The following BID variants were observed in gnomAD, a reference collection of about 807,000 sequenced individuals.
BID encodes the protein BH3 interacting domain death agonist.
In BID, 19 loss-of-function variants were observed where a neutral mutation model predicts 17.4. That is an observed-to-expected ratio of 1.09 (90% confidence interval 0.76 to 1.60). The LOEUF (loss-of-function observed/expected upper bound fraction) is 1.60. Among genes scored for constraint, BID ranks in the 40% most tolerant of loss-of-function variants. BID has a pLI of 0.00. For synonymous variants in BID, 108 were observed against 102.8 expected, an observed-to-expected ratio of 1.05 and a Z score of -0.31; for missense variants, 226 against 256.0, an observed-to-expected ratio of 0.88 and a Z score of 0.80.
Position 17,735,001 on chromosome 22 carries a change from A to C in BID, c.*579T>G, listed in dbSNP as rs1317380778. Reference sequence around the variant, plus strand: ...GGACTTCCCATCATTTGAGTGCAGCACTTTAGTTCAGAATCTCTGTGCCAT... The same window carrying C: ...GGACTTCCCATCATTTGAGTGCAGCCCTTTAGTTCAGAATCTCTGTGCCAT... On this transcript the variant is annotated 3_prime_UTR_variant, in exon 6 of 6. Coordinates refer to ENST00000622694, the MANE Select transcript of BID (RefSeq NM_001196.4). The C allele has an allele frequency of 6.6e-6, 1 of 152,454 alleles. No individual in the cohort carries two copies. Among genetic ancestry groups the C allele is most frequent in the East Asian group, 1.9e-4 (1 of 5,196 alleles). 9.4% of individuals were successfully genotyped at this position (152,454 alleles called of 1,614,324 possible). A position where few individuals can be genotyped will look rare whatever the true frequency, so the allele number is the denominator to read the frequency against.
chr22:17,761,075 G>T (rs1468096947), intron 1 of BID, among the ~76,000 whole-genome samples: 1 of 152,164 alleles, frequency 6.6e-6, no homozygotes, highest in East Asian at 1.9e-4. Context: ...TCCCGTGCAG[G>T]TCTTACAAGA....
chr22:17,745,440 C>T (rs576475077), intron 2 of BID, among the ~76,000 whole-genome samples: 30 of 152,150 alleles, frequency 2.0e-4, no homozygotes, highest in Middle Eastern at 6.8e-3. Context: ...GCAGGAGGAT[C>T]GTTTGAGCCC....
At chr22:17,757,374 G>A (rs2145905036) in intron 1 of BID, among the ~76,000 whole-genome samples, 2 of 124,312 alleles carry the variant, frequency 1.6e-5, no homozygotes, top group Middle Eastern at 6.5e-3. Flanking sequence ...CTGCACTCCA[G>A]CCTGGGCAAC....
At chr22:17,766,543 A>G (rs943178428) in intron 1 of BID, among the ~76,000 whole-genome samples, 5 of 151,418 alleles carry the variant, frequency 3.3e-5, no homozygotes, top group African/African-American at 1.2e-4. Flanking sequence ...GGCCTCCCAA[A>G]GTGCTGGGAT....
chr22:17,754,924 C>A (rs528388694), intron 1 of BID, among the ~76,000 whole-genome samples: 2 of 151,564 alleles, frequency 1.3e-5, no homozygotes, highest in Non-Finnish European at 2.9e-5. Context: ...GCCACCACAC[C>A]CGGCTAATTT....
At chr22:17,746,422 G>A (rs772847739) in intron 2 of BID, among the ~76,000 whole-genome samples, 19 of 152,210 alleles carry the variant, frequency 1.2e-4, no homozygotes, top group Admixed American at 5.9e-4. Context: ...AGGAAAAACT[G>A]TATGCAAAAT....
rs2061412206 is a variant in BID, at chr22:17,735,406, T to C, written c.*174A>G. The C allele has an allele frequency of 2.9e-6, 2 of 683,130 alleles. No homozygotes were observed. The highest frequency in any genetic ancestry group is 1.9e-5 in the South Asian group (1 of 52,708). The allele number at this position is 683,130 out of a possible 1,614,324, so 42.3% of individuals were successfully genotyped here. A position where few individuals can be genotyped will look rare whatever the true frequency, so the allele number is the denominator to read the frequency against. On this transcript the variant is annotated 3_prime_UTR_variant, in exon 6 of 6. Coordinates refer to ENST00000622694, the MANE Select transcript of BID (RefSeq NM_001196.4). ...TCATTCAAGTATATTAATGTAGATA[T>C]TTTAAAGTGGGTTATAAGTTTAACA... is the stretch of plus-strand genomic sequence containing the variant.
chr22:17,750,056 C>A lies in BID; in HGVS notation c.12+49G>T, dbSNP rs764595465. The A allele has an allele frequency of 2.2e-5, 35 of 1,579,566 alleles. No homozygotes were observed. The Admixed American group carries it at 2.8e-4, about 12-fold the overall frequency. On this transcript the variant is annotated intron_variant, in intron 2 of 5. Coordinates refer to ENST00000622694, the MANE Select transcript of BID (RefSeq NM_001196.4). ...GGTGGGGGACACGCAGGCCCTTACC[C>A]CTCGACCCCGCCCCCCACAAGGCAC... is the stretch of plus-strand genomic sequence containing the variant.
intron 3 of BID, chr22:17,740,271 T>C: frequency 8.9e-7 from 1 of 1,120,086 alleles, no homozygotes; most frequent in Non-Finnish European, 1.3e-6. Context: ...ACTCAGTAGG[T>C]GCTCAATAAA....
At chr22:17,756,811 C>T (rs961636509) in intron 1 of BID, among the ~76,000 whole-genome samples, 11 of 151,906 alleles carry the variant, frequency 7.2e-5, no homozygotes, top group African/African-American at 1.2e-4. Flanking sequence ...CCTGACCTTG[C>T]GATCCGCCCC....
intron 1 of BID, among the ~76,000 whole-genome samples, chr22:17,755,082 C>CTTTTTTTTTTTT (rs59654004): frequency 2.0e-5 from 2 of 99,254 alleles, no homozygotes; most frequent in African/African-American, 3.9e-5. Flanking sequence ...TTTTTCTTTT[C>CTTTTTTTTTTTT]TTTTTTTTTT....
In BID at chr22:17,773,799, T is replaced by C; in HGVS notation, c.-59+582A>G. On this transcript the variant is annotated intron_variant, in intron 1 of 5. Transcript: ENST00000622694. The surrounding 1 kb of genome is among the most constrained non-coding windows in gnomAD (Gnocchi z 4.4). The stretch of plus-strand genomic sequence containing the variant: ...GGGGTCATTCAGCCACTCAACAGTT[T>C]CCCAGCAGCAGCAGCGAGGATCCGC... 9.6e-7 allele frequency: 1 copy of C among 1,039,584 alleles called. No homozygotes were observed. Among genetic ancestry groups the C allele is most frequent in the African/African-American group, 1.6e-5 (1 of 62,808 alleles). 64.4% of individuals were successfully genotyped at this position (1,039,584 alleles called of 1,614,324 possible).
At chr22:17,748,377 G>A (rs1284775787) in intron 2 of BID, among the ~76,000 whole-genome samples, 14 of 150,502 alleles carry the variant, frequency 9.3e-5, no homozygotes, top group East Asian at 5.8e-4. Context: ...GCGTGGTGGC[G>A]GGCGCCTGTA....
chr22:17,755,831 G>A (rs2061578484), intron 1 of BID, among the ~76,000 whole-genome samples: 2 of 151,758 alleles, frequency 1.3e-5, no homozygotes, highest in South Asian at 4.2e-4. Context: ...GAAAAATAAA[G>A]GGTTTGGAGA....
intron 2 of BID, among the ~76,000 whole-genome samples, chr22:17,748,258 C>T (rs1179120893): frequency 6.9e-6 from 1 of 145,764 alleles, no homozygotes; most frequent in Non-Finnish European, 1.5e-5. Context: ...GCCTGTAATC[C>T]CAGCACTTTG....
intron 5 of BID, among the ~76,000 whole-genome samples, chr22:17,735,836 G>A (rs2061415484): frequency 6.6e-6 from 1 of 152,170 alleles, no homozygotes; most frequent in African/African-American, 2.4e-5. Flanking sequence ...GCCCCTGCTG[G>A]GTCAGAGGAA....
At chr22:17,755,487 G>A (rs1358422916) in intron 1 of BID, among the ~76,000 whole-genome samples, 2 of 151,948 alleles carry the variant, frequency 1.3e-5, no homozygotes, top group Admixed American at 6.6e-5. Flanking sequence ...ACTTTTTTGT[G>A]CCTTGGTGTC....
intron 1 of BID, among the ~76,000 whole-genome samples, chr22:17,752,583 GA>G (rs2061547541): frequency 6.6e-6 from 1 of 152,172 alleles, no homozygotes; most frequent in Non-Finnish European, 1.5e-5. Flanking sequence ...CATACACAGT[GA>G]ATACCACTAA....
chr22:17,774,256 G>GGCTCCC (rs2061743410), intron 1 of BID, 125 bp downstream of exon 1: 1 of 151,954 alleles, frequency 6.6e-6, no homozygotes. Context: ...CCCCTCCTCT[G>GGCTCCC]GCTCCCACCG....
Sources: allele counts gnomAD v4.1 joint callset (sites outside exome capture counted in the v4.1 genomes callset), GRCh38; gene constraint gnomAD v4.1.1; non-coding constraint Gnocchi (gnomAD v3.1); transcripts MANE v1.5; gene names NCBI Gene and HGNC (gene_info 2026-07-23, HGNC 2026-07-21).